The following TSGA10 variants were observed in gnomAD, a reference collection of about 807,000 sequenced individuals.
The protein encoded by TSGA10 is testis-specific gene 10 protein.
In TSGA10, 43 loss-of-function variants were observed where a neutral mutation model predicts 96.6. The observed-to-expected ratio is 0.44, with a 90% CI of 0.35 to 0.57. The LOEUF (loss-of-function observed/expected upper bound fraction) is 0.57, where lower values mean the gene tolerates loss of function less well. Ranked by LOEUF, TSGA10 falls within the 20% of genes least tolerant of loss-of-function variation. TSGA10 has a pLI of 0.01. For synonymous variants in TSGA10, 229 were observed against 269.9 expected (o/e 0.85, Z 1.48); for missense variants, 703 against 834.4 (o/e 0.84, Z 1.94).
At chr2:99,014,010 C>A (rs994216866) in intron 20 of TSGA10, among the ~76,000 whole-genome samples, 3 of 152,084 alleles carry the variant, frequency 2.0e-5, no homozygotes, top group Non-Finnish European at 4.4e-5. Context: ...AAAAAATTAG[C>A]CAGGCATGGT....
chr2:99,028,782 T>A (rs763582409), intron 17 of TSGA10, among the ~76,000 whole-genome samples: 1 of 152,198 alleles, frequency 6.6e-6, no homozygotes, highest in African/African-American at 2.4e-5. Flanking sequence ...TGGTCTATTG[T>A]TTCCATTTTT....
At chr2:99,147,157 TTTTG>T (rs1457493542) in intron 1 of TSGA10, 3 of 289,188 alleles carry the variant, frequency 1.0e-5, no homozygotes, top group Middle Eastern at 1.0e-3. Context: ...TGGCATATCT[TTTTG>T]TTTTTTTTAA....
chr2:99,096,424 A>G lies in TSGA10; in HGVS notation c.611+7543T>C, dbSNP rs1007268836. The stretch of plus-strand genomic sequence containing the variant: ...GATGGCTTTTGCCAATGTCACGTCT[A>G]CTGGGCTGCCTTCATCCTTTTTGTC... On this transcript the variant is annotated intron_variant, in intron 10 of 20. Transcript: ENST00000393483. Among the ~76,000 whole-genome samples the G allele has an allele frequency of 2.0e-5, 3 of 152,218 alleles. No individual in the cohort carries two copies. In the East Asian group the frequency reaches 5.8e-4, roughly 29 times the overall value.
chr2:99,084,316 G>T (rs907013562), intron 10 of TSGA10, among the ~76,000 whole-genome samples: 1 of 152,196 alleles, frequency 6.6e-6, no homozygotes, highest in Non-Finnish European at 1.5e-5. Flanking sequence ...GCCTGGGGAA[G>T]AGATGACTGG....
intron 17 of TSGA10, among the ~76,000 whole-genome samples, chr2:99,021,060 T>C (rs989120157): frequency 4.6e-5 from 7 of 151,614 alleles, no homozygotes; most frequent in Non-Finnish European, 7.4e-5. Context: ...CCTTAAAATA[T>C]GCTCAGTGAG....
chr2:99,031,248 T>C lies in TSGA10; in HGVS notation c.1614+3982A>G, dbSNP rs113634574. On this transcript the variant is annotated intron_variant, in intron 17 of 20. Coordinates refer to ENST00000393483, the MANE Select transcript of TSGA10 (RefSeq NM_025244.4). Reference sequence around the variant, plus strand: ...ATTCAATGGCAGAAAGATAGCTTTTTAAACAAATGGTACAGAAGAAGGTGG... The same window carrying C: ...ATTCAATGGCAGAAAGATAGCTTTTCAAACAAATGGTACAGAAGAAGGTGG... 2.2e-3 allele frequency among the ~76,000 whole-genome samples: 245 copies of C among 113,386 alleles called. 1 individual carries two copies. The highest frequency in any genetic ancestry group is 8.4e-3 in the African/African-American group (237 of 28,062). The allele number at this position is 113,386 out of a possible 152,430, so 74.4% of individuals were successfully genotyped here.
chr2:99,108,685 T>C (rs765265561), intron 7 of TSGA10, 148 bp downstream of exon 7: 19 of 566,694 alleles, frequency 3.4e-5, no homozygotes, highest in Non-Finnish European at 5.1e-5. Flanking sequence ...CTACATTTCA[T>C]TAAGAATATC....
At chr2:99,036,684 A>G (rs2105093010) in intron 16 of TSGA10, among the ~76,000 whole-genome samples, 1 of 152,230 alleles carries the variant, frequency 6.6e-6, no homozygotes, top group African/African-American at 2.4e-5. Flanking sequence ...AATTACTTTA[A>G]CTGTGACTAA....
At chr2:99,052,273 A>G (rs188826529) in intron 16 of TSGA10, among the ~76,000 whole-genome samples, 1 of 152,096 alleles carries the variant, frequency 6.6e-6, no homozygotes, top group South Asian at 2.1e-4. Context: ...ATATACAATT[A>G]TAAATGAAAG....
At chr2:99,039,064 T>C (rs547255971) in intron 16 of TSGA10, among the ~76,000 whole-genome samples, 38 of 152,072 alleles carry the variant, frequency 2.5e-4, no homozygotes, top group African/African-American at 8.9e-4. Context: ...GAAATCGAGA[T>C]GGAAATTAAA....
At chr2:99,133,607 T>C (rs2093200863) in intron 1 of TSGA10, among the ~76,000 whole-genome samples, 1 of 152,226 alleles carries the variant, frequency 6.6e-6, no homozygotes, top group African/African-American at 2.4e-5. Context: ...TATTGTTATG[T>C]TTGAATTTGA....
intron 1 of TSGA10, among the ~76,000 whole-genome samples, chr2:99,133,076 G>T (rs2093169889): frequency 6.6e-6 from 1 of 152,162 alleles, no homozygotes; most frequent in Non-Finnish European, 1.5e-5. Flanking sequence ...TTGAGTTGGG[G>T]AAGAGAGTTC....
intron 7 of TSGA10, 26 bp downstream of exon 7, chr2:99,108,807 A>C: frequency 6.7e-7 from 1 of 1,481,752 alleles, no homozygotes; most frequent in Non-Finnish European, 9.0e-7. Flanking sequence ...GTTATTACTT[A>C]TATAATTTGT....
intron 20 of TSGA10, among the ~76,000 whole-genome samples, chr2:99,017,634 G>A (rs1298045987): frequency 6.6e-6 from 1 of 151,362 alleles, no homozygotes; most frequent in African/African-American, 2.4e-5. Context: ...GCGTAGTGGC[G>A]GGCGCCTGTA....
In TSGA10 at chr2:99,037,976, A is replaced by T. The variant is rs551443883; in HGVS notation, c.1405-2537T>A. Among the ~76,000 whole-genome samples the T allele has an allele frequency of 1.5e-3, 235 of 152,256 alleles. 1 individual carries two copies. The highest frequency in any genetic ancestry group is 0.01 in the Middle Eastern group (3 of 294). Reference sequence around the variant, plus strand: ...GCAGATTTCTTAGCAGAAACCATACAAGCTAGAAGGGATTGGGGTCCTATC... The same window carrying T: ...GCAGATTTCTTAGCAGAAACCATACTAGCTAGAAGGGATTGGGGTCCTATC... On this transcript the variant is annotated intron_variant, in intron 16 of 20. Transcript: ENST00000393483.
intron 1 of TSGA10, among the ~76,000 whole-genome samples, chr2:99,135,443 T>C (rs935605734): frequency 6.6e-6 from 1 of 152,232 alleles, no homozygotes. Context: ...GCAGACAGAA[T>C]AGAACAGTTC....
chr2:99,060,931 G>A (rs1056247582), intron 16 of TSGA10, among the ~76,000 whole-genome samples: 5 of 152,094 alleles, frequency 3.3e-5, no homozygotes, highest in African/African-American at 1.2e-4. Context: ...TAATTCAATT[G>A]TAGCATAGAT....
chr2:99,090,940 C>T (rs973820196), intron 10 of TSGA10, among the ~76,000 whole-genome samples: 1 of 152,098 alleles, frequency 6.6e-6, no homozygotes, highest in Non-Finnish European at 1.5e-5. Context: ...GGAAATTCAT[C>T]ACAAAAAGAT....
At chr2:99,118,350 C>G (rs554157663) in intron 3 of TSGA10, among the ~76,000 whole-genome samples, 1 of 150,458 alleles carries the variant, frequency 6.6e-6, no homozygotes, top group South Asian at 2.1e-4. Context: ...ACTTGGGAGG[C>G]TGAGGTACAA....
Sources: allele counts gnomAD v4.1 joint callset (sites outside exome capture counted in the v4.1 genomes callset), GRCh38; gene constraint gnomAD v4.1.1; transcripts MANE v1.5; gene names NCBI Gene and HGNC (gene_info 2026-07-23, HGNC 2026-07-21).